The following GPHN variants were observed in gnomAD, a reference collection of about 807,000 sequenced individuals.
GPHN encodes the protein gephyrin.
A neutral mutation model predicts 95.5 loss-of-function variants in GPHN; 17 were observed. The ratio of observed to expected loss-of-function variants is 0.18; its 90% CI spans 0.12 to 0.27. The LOEUF is 0.27. Among genes scored for constraint, GPHN ranks in the 10% least tolerant of loss-of-function variants. The probability of loss-of-function intolerance (pLI) is 1.00; values close to 1 mark genes in which losing one functional copy is unlikely to be tolerated. For synonymous variants in GPHN, 320 were observed against 322.5 expected, an observed-to-expected ratio of 0.99 and a Z score of 0.08; for missense variants, 660 against 978.1, an observed-to-expected ratio of 0.67 and a Z score of 4.34.
chr14:67,423,769 G>A, the GPHN span, among the ~76,000 whole-genome samples: 1 of 152,214 alleles, frequency 6.6e-6, no homozygotes, highest in East Asian at 1.9e-4. Flanking sequence ...CCAGCAAGGT[G>A]AGTGTGTGGC....
the GPHN span, among the ~76,000 whole-genome samples, chr14:67,187,068 T>C: frequency 2.0e-5 from 3 of 152,170 alleles, no homozygotes; most frequent in African/African-American, 4.8e-5. Context: ...GTCTGAAATA[T>C]AGTTGGAAAG....
chr14:67,193,695 C>T, the GPHN span, among the ~76,000 whole-genome samples: 1 of 147,668 alleles, frequency 6.8e-6, no homozygotes, highest in African/African-American at 2.5e-5. Flanking sequence ...ATAATCCCAG[C>T]ACTTTGGGAG....
At chr14:67,278,048 T>G in the GPHN span, among the ~76,000 whole-genome samples, 1 of 151,750 alleles carries the variant, frequency 6.6e-6, no homozygotes, top group Non-Finnish European at 1.5e-5. Flanking sequence ...CTTTTTTTTT[T>G]TTTTTTGAGA....
chr14:66,677,902 A>G (rs2066701313), intron 1 of GPHN, among the ~76,000 whole-genome samples: 1 of 152,026 alleles, frequency 6.6e-6, no homozygotes. Context: ...TTGTTTTAGT[A>G]CTTTGCTTAA....
At chr14:67,376,420 CT>C in the GPHN span, 1 of 1,565,838 alleles carries the variant, frequency 6.4e-7, no homozygotes, top group Non-Finnish European at 8.7e-7. Flanking sequence ...AATTGTTGAG[CT>C]TTTCATTTTA....
the GPHN span, chr14:67,280,049 G>A: frequency 5.0e-3 from 756 of 152,194 alleles, 3 homozygotes; most frequent in Non-Finnish European, 7.0e-3. Flanking sequence ...GTTCTGTGGG[G>A]GGAAAAAAAG....
chr14:66,937,527 G>T (rs898949034), intron 8 of GPHN, among the ~76,000 whole-genome samples: 1 of 151,878 alleles, frequency 6.6e-6, no homozygotes, highest in Admixed American at 6.6e-5. Flanking sequence ...TTACAGGCAT[G>T]TGCCACCACA....
the GPHN span, among the ~76,000 whole-genome samples, chr14:67,457,103 A>G: frequency 1.3e-5 from 2 of 152,194 alleles, no homozygotes; most frequent in African/African-American, 4.8e-5. Context: ...TAAAGAAGGG[A>G]ACAATAGACA....
the GPHN span, among the ~76,000 whole-genome samples, chr14:67,289,323 C>T: frequency 6.6e-6 from 1 of 152,068 alleles, no homozygotes; most frequent in Non-Finnish European, 1.5e-5. Flanking sequence ...TGTCATTATT[C>T]TCTGAACAAT....
chr14:67,627,466 G>A, the GPHN span, among the ~76,000 whole-genome samples: 2 of 151,886 alleles, frequency 1.3e-5, no homozygotes, highest in Admixed American at 1.3e-4. Flanking sequence ...TCTAGTTTTG[G>A]GCATTGAAAA....
At chr14:66,542,302 T>C (rs1278235530) in intron 1 of GPHN, among the ~76,000 whole-genome samples, 1 of 152,228 alleles carries the variant, frequency 6.6e-6, no homozygotes, top group African/African-American at 2.4e-5. Context: ...CTAGATTGTT[T>C]ATTCTTCTAT....
At chr14:67,135,104 C>T (rs2079989010) in intron 17 of GPHN, among the ~76,000 whole-genome samples, 1 of 151,440 alleles carries the variant, frequency 6.6e-6, no homozygotes, top group Non-Finnish European at 1.5e-5. Context: ...GCATTACGGG[C>T]ACCTGCCACC....
the GPHN span, chr14:67,575,313 G>T: frequency 1.2e-6 from 1 of 815,616 alleles, no homozygotes; most frequent in Middle Eastern, 2.7e-4. Context: ...CTGTCTCCCT[G>T]TGGCTTCTAT....
the GPHN span, among the ~76,000 whole-genome samples, chr14:67,438,250 C>T: frequency 2.6e-5 from 4 of 152,174 alleles, no homozygotes; most frequent in Non-Finnish European, 5.9e-5. Context: ...GGGTCAGTGT[C>T]TAGAAGGTGG....
chr14:66,987,479 G>A (rs2071104010), intron 9 of GPHN, among the ~76,000 whole-genome samples: 2 of 152,022 alleles, frequency 1.3e-5, no homozygotes, highest in East Asian at 1.9e-4. Context: ...TATACAATAT[G>A]AGTATGTATA....
chr14:67,335,026 G>A, the GPHN span: 1 of 152,154 alleles, frequency 6.6e-6, no homozygotes. Flanking sequence ...CTGCACTAGG[G>A]CCATGTGCTG....
chr14:67,113,283 G>A lies in GPHN; in HGVS notation c.1626+112G>A, dbSNP rs114610658. 2,204 of 985,000 alleles carry A rather than the reference G, an allele frequency of 2.2e-3. 23 individuals are homozygous for A. The African/African-American group carries it at 0.031, about 14-fold the overall frequency. The allele number at this position is 985,000 out of a possible 1,614,324, so 61.0% of individuals were successfully genotyped here. A position where few individuals can be genotyped will look rare whatever the true frequency, so the allele number is the denominator to read the frequency against. On this transcript the variant is annotated intron_variant, in intron 16 of 22. Transcript: ENST00000478722. ...GTTGTAGATTATAGATCATACCAGTGGATCCACATTCTTATAACAGGGAAA... is the reference window on the plus strand; with the variant it reads ...GTTGTAGATTATAGATCATACCAGTAGATCCACATTCTTATAACAGGGAAA...
the GPHN span, among the ~76,000 whole-genome samples, chr14:67,238,516 C>T: frequency 1.3e-5 from 2 of 152,114 alleles, no homozygotes; most frequent in Non-Finnish European, 2.9e-5. Context: ...GCAATCCTCC[C>T]GCTTTGGCAT....
rs138682418 is a variant in GPHN at position 66,690,292 on chromosome 14, C to T, written c.143+9107C>T. On this transcript the variant is annotated intron_variant, in intron 2 of 22. Transcript: ENST00000478722. ...TTTTCTTAATTTTTTTATTGACCCA[C>T]GTTCATTGTAGAACATGTTCTTCAA... 3.3e-3 allele frequency among the ~76,000 whole-genome samples: 495 copies of T among 152,138 alleles called. 4 individuals are homozygous for T. The highest frequency in any genetic ancestry group is 4.1e-3 in the Non-Finnish European group (282 of 67,982).
Sources: gnomAD v4.1 joint callset for allele counts (sites outside exome capture counted in the v4.1 genomes callset) on GRCh38, gnomAD v4.1.1 for gene constraint, MANE v1.5 for transcripts, NCBI Gene and HGNC (gene_info 2026-07-23, HGNC 2026-07-21) for gene names.